The following ZNF304 variants were observed in gnomAD, a reference collection of about 807,000 sequenced individuals.
ZNF304 encodes KRAB-containing zinc finger protein.
A neutral mutation model predicts 7.8 loss-of-function variants in ZNF304; 7 were observed. The ratio of observed to expected loss-of-function variants is 0.90; its 90% CI spans 0.51 to 1.69. ZNF304 has a LOEUF of 1.69. Among genes scored for constraint, ZNF304 ranks in the 40% most tolerant of loss-of-function variants. The pLI is 0.00. For missense variants in ZNF304, 669 were observed against 804.8 expected, an observed-to-expected ratio of 0.83 and a Z score of 2.04; for synonymous variants, 280 against 272.4, an observed-to-expected ratio of 1.03 and a Z score of -0.27.
intron 2 of ZNF304, chr19:57,355,404 G>A: frequency 1.3e-6 from 1 of 763,402 alleles, no homozygotes; most frequent in Non-Finnish European, 2.4e-6. Flanking sequence ...AATGGGAGCT[G>A]GAAGAGGGTA....
In ZNF304 at chr19:57,356,612, T is replaced by C. The variant is rs1335889087; in HGVS notation, c.743T>C (p.Val248Ala). 4 of 1,614,110 alleles carry C rather than the reference T, an allele frequency of 2.5e-6. No homozygotes were observed. The highest frequency in any genetic ancestry group is 2.2e-5 in the South Asian group (2 of 91,084). Reference protein sequence around the residue: ...LLDSQMTHAEVRPFRCLPCGN... With the variant: ...LLDSQMTHAEARPFRCLPCGN... ...GACAGCCAGATGACTCATGCTGAGG[T>C]GAGACCCTTCAGATGCCTACCATGT... is the stretch of plus-strand genomic sequence containing the variant. Residue 248 changes from valine to alanine, a missense_variant, in exon 3 of 3, where the codon GTG (valine) becomes GCG (alanine). Transcript: ENST00000282286.
At chr19:57,355,300 G>T (rs751369202) in intron 2 of ZNF304, 6 of 765,180 alleles carry the variant, frequency 7.8e-6, no homozygotes, top group East Asian at 2.4e-5. Context: ...ATGCAGTTGC[G>T]CAGTTGGAGG....
Position 57,357,749 on chromosome 19 carries a change from G to T in ZNF304, c.1880G>T (p.Ser627Ile). 6.2e-7 allele frequency: 1 copy of T among 1,614,224 alleles called. No homozygotes were observed. Among genetic ancestry groups the T allele is most frequent in the Non-Finnish European group, 8.5e-7 (1 of 1,180,036 alleles). Residue 627 changes from serine to isoleucine, a missense_variant, in exon 3 of 3, where the codon AGC (serine) becomes ATC (isoleucine). Ser to Ile is a moderately radical substitution (Grantham distance 142). Coordinates refer to ENST00000282286, the MANE Select transcript of ZNF304 (RefSeq NM_020657.4). ...CSECGKAYSR[S>I]SHLVRHQKAH... ...GAATGTGGGAAAGCCTATAGCAGAA[G>T]CTCCCATCTTGTTCGTCACCAGAAA... is the stretch of plus-strand genomic sequence containing the variant.
rs918380423 is a variant in ZNF304 at position 57,359,637 on chromosome 19, A to G, written c.*1788A>G. ...TCACAAGCAACAGCAAGCATTTTCT[A>G]TAATTTTATAAATGAAACCATATGG... On this transcript the variant is annotated 3_prime_UTR_variant, in exon 3 of 3. Transcript: ENST00000282286. 3 of 152,350 alleles carry G rather than the reference A, an allele frequency of 2.0e-5. No homozygotes were observed. Among genetic ancestry groups the G allele is most frequent in the Admixed American group, 1.3e-4 (2 of 15,296 alleles). 9.4% of individuals were successfully genotyped at this position (152,350 alleles called of 1,614,324 possible).
In ZNF304 at chr19:57,358,288, C is replaced by A. The variant is rs887338199; in HGVS notation, c.*439C>A. On this transcript the variant is annotated 3_prime_UTR_variant, in exon 3 of 3. Transcript: ENST00000282286. ...CATTGAGGGTCCTCATCTTTTCCCT[C>A]ATGATTAGGTTCTGAGCAAACATGA... 2 of 144,574 alleles carry A rather than the reference C, an allele frequency of 1.4e-5. No individual in the cohort carries two copies. The highest frequency in any genetic ancestry group is 5.4e-5 in the African/African-American group (2 of 36,802). The allele number at this position is 144,574 out of a possible 1,614,324, so 9.0% of individuals were successfully genotyped here.
intron 2 of ZNF304, chr19:57,355,552 C>A: frequency 1.7e-6 from 1 of 601,736 alleles, no homozygotes; most frequent in South Asian, 2.0e-5. Flanking sequence ...TCATTTCTCA[C>A]GTGTCTTCCA....
Position 57,351,900 on chromosome 19 carries a change from T to G in ZNF304, c.33+203T>G. 1.8e-6 allele frequency: 1 copy of G among 563,634 alleles called. No homozygotes were observed. The highest frequency in any genetic ancestry group is 3.0e-6 in the Non-Finnish European group (1 of 328,360). The allele number at this position is 563,634 out of a possible 1,614,324, so 34.9% of individuals were successfully genotyped here. A position where few individuals can be genotyped will look rare whatever the true frequency, so the allele number is the denominator to read the frequency against. The stretch of plus-strand genomic sequence containing the variant: ...TGCATGCATGGAGAGGAGAATGAGT[T>G]TGGGGAGTTCCGGGAACTCTCTGTG... On this transcript the variant is annotated intron_variant, in intron 1 of 2. Transcript: ENST00000282286. This position sits in a 1 kb window ranked among gnomAD's most constrained non-coding sequence, Gnocchi z 4.1.
At chr19:57,352,347 C>T (rs2088285808) in intron 1 of ZNF304, among the ~76,000 whole-genome samples, 1 of 152,140 alleles carries the variant, frequency 6.6e-6, no homozygotes, top group South Asian at 2.1e-4. Context: ...AGTTTAGTGT[C>T]CTGAATCCAG....
At position 57,358,166 on chromosome 19, in the gene ZNF304, C is replaced by T. The variant is rs1039334988; in HGVS notation, c.*317C>T. 1 of 274,968 alleles carries T rather than the reference C, an allele frequency of 3.6e-6. No individual in the cohort carries two copies. Among genetic ancestry groups the T allele is most frequent in the Non-Finnish European group, 6.9e-6 (1 of 145,394 alleles). 17.0% of individuals were successfully genotyped at this position (274,968 alleles called of 1,614,324 possible). A position where few individuals can be genotyped will look rare whatever the true frequency, so the allele number is the denominator to read the frequency against. ...TGTGTGTGTCAATCACTCCATTTTG[C>T]TCAGGGAAGGCAGACTTCTGTGCTT... On this transcript the variant is annotated 3_prime_UTR_variant, in exon 3 of 3. Coordinates refer to ENST00000282286, the MANE Select transcript of ZNF304 (RefSeq NM_020657.4).
At position 57,351,297 on chromosome 19, in the gene ZNF304, AT is replaced by A. The variant is rs2122969264; in HGVS notation, c.-366del. ...TATTTTTCCTATGCCCGGTCCGTGC[AT>A]TCTGGTTGTGAAGGCTGAGTTCTAG... On this transcript the variant is annotated 5_prime_UTR_variant, in exon 1 of 3. An upstream open reading frame in the 5' UTR gains an earlier in-frame stop. Transcript: ENST00000282286. This position sits in a 1 kb window ranked among gnomAD's most constrained non-coding sequence, Gnocchi z 4.1. 2 of 267,346 alleles carry A rather than the reference AT, an allele frequency of 7.5e-6. No homozygotes were observed. The highest frequency in any genetic ancestry group is 1.4e-5 in the Non-Finnish European group (2 of 139,630). 16.6% of individuals were successfully genotyped at this position (267,346 alleles called of 1,614,324 possible).
Position 57,356,553 on chromosome 19 carries a change from A to G in ZNF304, c.684A>G (p.Glu228=). 1 of 1,614,212 alleles carries G rather than the reference A, an allele frequency of 6.2e-7. No homozygotes were observed. Among genetic ancestry groups the G allele is most frequent in the Non-Finnish European group, 8.5e-7 (1 of 1,180,046 alleles). The change falls in exon 3 of 3, where the codon GAA becomes GAG. Residue 228 remains glutamate (E), a synonymous_variant. Transcript: ENST00000282286. ...DGQMLFSCGD[E]GKAFLDTFTL... is the part of the protein sequence containing the mutation. The stretch of plus-strand genomic sequence containing the variant: ...AGATGCTTTTCAGTTGCGGTGATGA[A>G]GGGAAAGCCTTCCTGGACACCTTTA...
At position 57,351,781 on chromosome 19, in the gene ZNF304, T is replaced by G. The variant is rs34172522; in HGVS notation, c.33+84T>G. On this transcript the variant is annotated intron_variant, in intron 1 of 2. Coordinates refer to ENST00000282286, the MANE Select transcript of ZNF304 (RefSeq NM_020657.4). This position sits in a 1 kb window ranked among gnomAD's most constrained non-coding sequence, Gnocchi z 4.1. ...GCTCTCATCGCGCACTTCAGGGTGC[T>G]CACTCCGTCGCATTATGTGGAGGGG... 0.2 allele frequency: 293,201 copies of G among 1,458,360 alleles called. 30,409 individuals are homozygous for G. The highest frequency in any genetic ancestry group is 0.26 in the Admixed American group (12,811 of 50,060). The allele number at this position is 1,458,360 out of a possible 1,614,324, so 90.3% of individuals were successfully genotyped here.
Position 57,351,973 on chromosome 19 carries a change from C to A in ZNF304, c.33+276C>A. ...GGGTCAGAGGTAGGCCTGGAATGGCCGCCCGAGGAGCTGGTCCTCTCTTCT... is the reference window on the plus strand; with the variant it reads ...GGGTCAGAGGTAGGCCTGGAATGGCAGCCCGAGGAGCTGGTCCTCTCTTCT... On this transcript the variant is annotated intron_variant, in intron 1 of 2. Coordinates refer to ENST00000282286, the MANE Select transcript of ZNF304 (RefSeq NM_020657.4). This position sits in a 1 kb window ranked among gnomAD's most constrained non-coding sequence, Gnocchi z 4.1. The A allele has an allele frequency of 2.4e-6, 1 of 415,724 alleles. No homozygotes were observed. Among genetic ancestry groups the A allele is most frequent in the Non-Finnish European group, 4.3e-6 (1 of 233,050 alleles). The allele number at this position is 415,724 out of a possible 1,614,324, so 25.8% of individuals were successfully genotyped here. A position where few individuals can be genotyped will look rare whatever the true frequency, so the allele number is the denominator to read the frequency against.
chr19:57,356,383 G>A lies in ZNF304; in HGVS notation c.514G>A (p.Glu172Lys). 1 of 1,614,190 alleles carries A rather than the reference G, an allele frequency of 6.2e-7. No homozygotes were observed. The highest frequency in any genetic ancestry group is 1.1e-5 in the South Asian group (1 of 91,088). ...MLGRSFTCREEGMDLPDSSGL... is the reference protein window; with the variant it reads ...MLGRSFTCREKGMDLPDSSGL... ...AGGGAGATCCTTTACGTGCAGGGAG[G>A]AAGGGATGGACTTACCAGATAGCTC... The change falls in exon 3 of 3, where the codon GAA becomes AAA. Residue 172 changes from glutamate (E) to lysine (K), a missense_variant. Transcript: ENST00000282286.
rs1408030818 is a variant in ZNF304 at position 57,351,942 on chromosome 19, A to G, written c.33+245A>G. 2 of 479,042 alleles carry G rather than the reference A, an allele frequency of 4.2e-6. No homozygotes were observed. Among genetic ancestry groups the G allele is most frequent in the Non-Finnish European group, 7.3e-6 (2 of 272,160 alleles). 29.7% of individuals were successfully genotyped at this position (479,042 alleles called of 1,614,324 possible). A position where few individuals can be genotyped will look rare whatever the true frequency, so the allele number is the denominator to read the frequency against. Reference sequence around the variant, plus strand: ...CTCTCTGTGCCTGGTGAGAACAGGGACTAGGGGGTCAGAGGTAGGCCTGGA... The same window carrying G: ...CTCTCTGTGCCTGGTGAGAACAGGGGCTAGGGGGTCAGAGGTAGGCCTGGA... On this transcript the variant is annotated intron_variant, in intron 1 of 2. Transcript: ENST00000282286. The surrounding 1 kb of genome is among the most constrained non-coding windows in gnomAD (Gnocchi z 4.1).
Position 57,357,486 on chromosome 19 carries a change from C to T in ZNF304, c.1617C>T (p.Cys539=). The T allele has an allele frequency of 1.9e-6, 3 of 1,613,588 alleles. No individual in the cohort carries two copies. Among genetic ancestry groups the T allele is most frequent in the Non-Finnish European group, 2.5e-6 (3 of 1,179,626 alleles). Residue 539 remains cysteine, a synonymous_variant, in exon 3 of 3, where the codon TGC becomes TGT. Transcript: ENST00000282286. ...ATGAGTGCAATGAATGTGGGAAATGCTTTAGCCACAACTCCAGCCTCATTT... is the reference window on the plus strand; with the variant it reads ...ATGAGTGCAATGAATGTGGGAAATGTTTTAGCCACAACTCCAGCCTCATTT... The part of the protein sequence containing the change: ...KPYECNECGK[C]FSHNSSLILH...
chr19:57,356,032 T>A lies in ZNF304; in HGVS notation c.163T>A (p.Phe55Ile), dbSNP rs2088331300. The change falls in exon 3 of 3, where the codon TTT (phenylalanine) becomes ATT (isoleucine). Residue 55 changes from phenylalanine (F) to isoleucine (I), a missense_variant and splice_region_variant. Phe to Ile is a conservative substitution (Grantham distance 21, BLOSUM62 0). Transcript: ENST00000282286. Reference sequence around the variant, plus strand: ...CACCAGCTCTTTTTTGCTTTCAGGTTTTTGGTGTGAAGCAGAACATGAGGC... The same window carrying A: ...CACCAGCTCTTTTTTGCTTTCAGGTATTTGGTGTGAAGCAGAACATGAGGC... ...ENFALVATLG[F>I]WCEAEHEAPS... 6.3e-7 allele frequency: 1 copy of A among 1,593,940 alleles called. No individual in the cohort carries two copies. The highest frequency in any genetic ancestry group is 2.2e-5 in the East Asian group (1 of 44,558).
chr19:57,351,828 C>T lies in ZNF304; in HGVS notation c.33+131C>T, dbSNP rs1296815368. 2.0e-6 allele frequency: 2 copies of T among 1,024,356 alleles called. No individual in the cohort carries two copies. The highest frequency in any genetic ancestry group is 2.6e-5 in the East Asian group (1 of 38,514). 63.5% of individuals were successfully genotyped at this position (1,024,356 alleles called of 1,614,324 possible). Reference sequence around the variant, plus strand: ...GGGGTTCCGCTCCCCTCATCAGTGGCATAAGGTGTGGAACGGACTCGAAGG... The same window carrying T: ...GGGGTTCCGCTCCCCTCATCAGTGGTATAAGGTGTGGAACGGACTCGAAGG... On this transcript the variant is annotated intron_variant, in intron 1 of 2. Transcript: ENST00000282286. The surrounding 1 kb of genome is among the most constrained non-coding windows in gnomAD (Gnocchi z 4.1).
chr19:57,356,866 A>T lies in ZNF304; in HGVS notation c.997A>T (p.Arg333Ter), dbSNP rs771674428. 6.2e-7 allele frequency: 1 copy of T among 1,614,014 alleles called. No individual in the cohort carries two copies. Among genetic ancestry groups the T allele is most frequent in the Non-Finnish European group, 8.5e-7 (1 of 1,180,032 alleles). The change falls in exon 3 of 3, where the codon AGA (arginine) becomes TGA (stop). Residue 333 changes from arginine to a stop codon, truncating the protein, a stop_gained. Coordinates refer to ENST00000282286, the MANE Select transcript of ZNF304 (RefSeq NM_020657.4). LOFTEE classifies it low-confidence loss of function (END_TRUNC). ...GCATCAGAGAGTTCACACTGGAGAAAGATCTTATGACTGCAGTGAATGTGG... is the reference window on the plus strand; with the variant it reads ...GCATCAGAGAGTTCACACTGGAGAATGATCTTATGACTGCAGTGAATGTGG... Reference protein sequence around the residue: ...VQHQRVHTGERSYDCSECGKA... With the variant: ...VQHQRVHTGE
Sources: allele counts gnomAD v4.1 joint callset (sites outside exome capture counted in the v4.1 genomes callset), GRCh38; gene constraint gnomAD v4.1.1; non-coding constraint Gnocchi (gnomAD v3.1); transcripts MANE v1.5; gene names NCBI Gene and HGNC (gene_info 2026-07-23, HGNC 2026-07-21).